ZNF33B: variants seen among roughly 807,000 people sequenced by gnomAD.
ZNF33B encodes the protein zinc finger protein 11b (KOX 2).
Under a neutral mutation model 45.8 loss-of-function variants are expected in ZNF33B, and 29 were observed. That is an observed-to-expected ratio of 0.63 (90% CI 0.47 to 0.86). The LOEUF is 0.86. Ranked by LOEUF, ZNF33B falls within the 40% of genes least tolerant of loss-of-function variation. ZNF33B has a pLI of 0.00. For synonymous variants in ZNF33B, 305 were observed against 307.8 expected (o/e 0.99, Z 0.10); for missense variants, 831 against 909.9 (o/e 0.91, Z 1.12).
intron 4 of ZNF33B, among the ~76,000 whole-genome samples, chr10:42,608,210 A>C (rs1177575944): frequency 6.6e-6 from 1 of 152,178 alleles, no homozygotes; most frequent in African/African-American, 2.4e-5. Flanking sequence ...CGTAGCAAAA[A>C]CTGACAGAAT....
chr10:42,602,968 G>A (rs560508875), intron 4 of ZNF33B, among the ~76,000 whole-genome samples: 2 of 152,120 alleles, frequency 1.3e-5, no homozygotes, highest in African/African-American at 4.8e-5. Context: ...AACCCCCACA[G>A]CTTCAAATTC....
chr10:42,628,125 C>T (rs115253592), intron 4 of ZNF33B, among the ~76,000 whole-genome samples: 2,593 of 152,250 alleles, frequency 0.017, 79 homozygotes, highest in African/African-American at 0.059. Context: ...AAGAGATTCT[C>T]CTGCCTCAGT....
intron 4 of ZNF33B, among the ~76,000 whole-genome samples, chr10:42,623,862 T>C (rs1269044646): frequency 1.3e-5 from 2 of 152,394 alleles, no homozygotes; most frequent in East Asian, 3.8e-4. Flanking sequence ...CAATATATTG[T>C]CAAAATGCTC....
At chr10:42,626,943 T>C (rs577688499) in intron 4 of ZNF33B, among the ~76,000 whole-genome samples, 16 of 152,202 alleles carry the variant, frequency 1.1e-4, no homozygotes, top group African/African-American at 3.9e-4. Flanking sequence ...TATATCACCC[T>C]AATTGAGTTG....
chr10:42,627,284 A>AT (rs1227933277), intron 4 of ZNF33B, among the ~76,000 whole-genome samples: 1 of 152,240 alleles, frequency 6.6e-6, no homozygotes, highest in Non-Finnish European at 1.5e-5. Context: ...GATAACAGGC[A>AT]TGAGCCACCA....
In ZNF33B at chr10:42,609,497, A is replaced by G. The variant is rs529329616; in HGVS notation, c.251-14798T>C. Among the ~76,000 whole-genome samples the G allele has an allele frequency of 4.6e-5, 7 of 152,294 alleles. 1 individual carries two copies. The East Asian group carries it at 7.7e-4, about 17-fold the overall frequency. The stretch of plus-strand genomic sequence containing the variant: ...CCCAGGTCCATATGGTTCACTGGAG[A>G]ATTTTATCAAACATTTAAAAAGAAG... On this transcript the variant is annotated intron_variant, in intron 4 of 4. Coordinates refer to ENST00000359467, the MANE Select transcript of ZNF33B (RefSeq NM_006955.3).
chr10:42,616,515 C>T (rs1006763950), intron 4 of ZNF33B, among the ~76,000 whole-genome samples: 2 of 152,090 alleles, frequency 1.3e-5, no homozygotes, highest in Non-Finnish European at 2.9e-5. Context: ...ATCGTCTGCA[C>T]ACAAAATGAA....
downstream of ZNF33B, among the ~76,000 whole-genome samples, chr10:42,587,656 G>T (rs1399724811): frequency 6.6e-6 from 1 of 152,190 alleles, no homozygotes; most frequent in Admixed American, 6.5e-5. Flanking sequence ...CTCAGGTGCA[G>T]GCCATCAGGC....
chr10:42,624,321 T>A (rs1238505732), intron 4 of ZNF33B, among the ~76,000 whole-genome samples: 1 of 152,320 alleles, frequency 6.6e-6, no homozygotes, highest in East Asian at 1.9e-4. Context: ...GCATAATCAA[T>A]GTTGAAGTTT....
At chr10:42,581,197 T>C (rs1257656763) in intron 1 of ZNF33B, among the ~76,000 whole-genome samples, 2 of 151,992 alleles carry the variant, frequency 1.3e-5, no homozygotes, top group Non-Finnish European at 2.9e-5. Context: ...AATGAAAGTG[T>C]GGCCCGGGCT....
At chr10:42,621,405 A>AACAC (rs1332418879) in intron 4 of ZNF33B, among the ~76,000 whole-genome samples, 1 of 151,956 alleles carries the variant, frequency 6.6e-6, no homozygotes, top group East Asian at 1.9e-4. Flanking sequence ...AAGCTACACA[A>AACAC]ACACATACAC....
intron 4 of ZNF33B, among the ~76,000 whole-genome samples, chr10:42,625,038 T>TTA (rs58614890): frequency 0.036 from 5,185 of 145,480 alleles, 199 homozygotes; most frequent in East Asian, 0.098. Flanking sequence ...GTTTCATATT[T>TTA]TATATATATA....
In ZNF33B at chr10:42,592,672, G is replaced by A. The variant is rs763752216; in HGVS notation, c.2278C>T (p.Gln760Ter). 5 of 1,613,996 alleles carry A rather than the reference G, an allele frequency of 3.1e-6. No homozygotes were observed. The highest frequency in any genetic ancestry group is 4.2e-6 in the Non-Finnish European group (5 of 1,179,940). ...TGATGTACAATGAGATTTGACTTTT[G>A]AGAGAAGGTTTTCCTGCATGTGTTA... ...ECNTCRKTFSQKSNLIVHQRT... is the reference protein window; with the variant it reads ...ECNTCRKTFS The change falls in exon 5 of 5, where the codon CAA (glutamine) becomes TAA (stop). Residue 760 changes from glutamine to a stop codon, truncating the protein, a stop_gained. Coordinates refer to ENST00000359467, the MANE Select transcript of ZNF33B (RefSeq NM_006955.3). LOFTEE classifies it high-confidence loss of function.
At position 42,594,269 on chromosome 10, in the gene ZNF33B, G is replaced by C. The variant is rs766933156; in HGVS notation, c.681C>G (p.Thr227=). ...TATTGAATACTGCCTTTTCAAGGAGGGTTTCCTGACATATACTGTATTCAA... is the reference window on the plus strand; with the variant it reads ...TATTGAATACTGCCTTTTCAAGGAGCGTTTCCTGACATATACTGTATTCAA... ...HNFEYSICQE[T]LLEKAVFNTR... Residue 227 remains threonine, a synonymous_variant, in exon 5 of 5, where the codon ACC becomes ACG. Coordinates refer to ENST00000359467, the MANE Select transcript of ZNF33B (RefSeq NM_006955.3). 5 of 1,613,786 alleles carry C rather than the reference G, an allele frequency of 3.1e-6. No individual in the cohort carries two copies. Among genetic ancestry groups the C allele is most frequent in the Non-Finnish European group, 4.2e-6 (5 of 1,179,906 alleles).
downstream of ZNF33B, among the ~76,000 whole-genome samples, chr10:42,588,860 G>A (rs997983399): frequency 5.3e-5 from 8 of 152,188 alleles, no homozygotes; most frequent in Non-Finnish European, 7.3e-5. Flanking sequence ...GTCTGCTAAG[G>A]TACCTCACCT....
At chr10:42,634,882 C>G (rs1388580124) in intron 2 of ZNF33B, among the ~76,000 whole-genome samples, 1 of 152,286 alleles carries the variant, frequency 6.6e-6, no homozygotes, top group East Asian at 1.9e-4. Flanking sequence ...TCTAAAATAG[C>G]ACACACCATC....
chr10:42,604,935 G>A (rs1258888558), intron 4 of ZNF33B, among the ~76,000 whole-genome samples: 12 of 148,384 alleles, frequency 8.1e-5, no homozygotes, highest in Non-Finnish European at 1.2e-4. Context: ...AAAAAAAAAA[G>A]AAAGAAAAGA....
Position 42,615,397 on chromosome 10 carries a change from G to A in ZNF33B, c.250+16532C>T, listed in dbSNP as rs565146957. On this transcript the variant is annotated intron_variant, in intron 4 of 4. Transcript: ENST00000359467. Reference sequence around the variant, plus strand: ...CATGTTATATGGTAATAAAAAACAAGTGAAATATTGATACATGCTACAACA... The same window carrying A: ...CATGTTATATGGTAATAAAAAACAAATGAAATATTGATACATGCTACAACA... Among the ~76,000 whole-genome samples, 8 of 152,284 alleles carry A rather than the reference G, an allele frequency of 5.3e-5. No individual in the cohort carries two copies. The East Asian group carries it at 1.5e-3, about 29-fold the overall frequency.
At chr10:42,598,713 T>C (rs1455810627) in intron 4 of ZNF33B, among the ~76,000 whole-genome samples, 2 of 152,216 alleles carry the variant, frequency 1.3e-5, no homozygotes, top group African/African-American at 4.8e-5. Flanking sequence ...TGACTGCTTT[T>C]CAAATGTTGA....
Sources: allele counts gnomAD v4.1 joint callset (sites outside exome capture counted in the v4.1 genomes callset), GRCh38; gene constraint gnomAD v4.1.1; transcripts MANE v1.5; gene names NCBI Gene and HGNC (gene_info 2026-07-23, HGNC 2026-07-21).